Variants in COA7 observed in about 807,000 individuals in gnomAD.
COA7 encodes the protein cytochrome c oxidase assembly factor 7, also known as Sel1 repeat containing 1.
A neutral mutation model predicts 21.0 loss-of-function variants in COA7; 12 were observed. The ratio of observed to expected loss-of-function variants is 0.57; its 90% CI spans 0.37 to 0.92. COA7 has a LOEUF of 0.92. Ranked by LOEUF, COA7 falls within the 40% of genes least tolerant of loss-of-function variation. The probability of loss-of-function intolerance (pLI) is 0.01; values close to 1 mark genes in which losing one functional copy is unlikely to be tolerated. For synonymous variants in COA7, 95 were observed against 107.4 expected, an observed-to-expected ratio of 0.88 and a Z score of 0.72; for missense variants, 240 against 286.1, an observed-to-expected ratio of 0.84 and a Z score of 1.16.
intron 1 of COA7, among the ~76,000 whole-genome samples, chr1:52,694,067 A>G (rs1644066662): frequency 6.6e-6 from 1 of 152,244 alleles, no homozygotes. Flanking sequence ...AATACTGTGT[A>G]CACATGGACA....
rs888584791 is a variant in COA7 at position 52,686,779 on chromosome 1, A to T, written c.*941T>A. The T allele has an allele frequency of 1.3e-5, 2 of 152,242 alleles. No homozygotes were observed. The highest frequency in any genetic ancestry group is 4.8e-5 in the African/African-American group (2 of 41,442). The allele number at this position is 152,242 out of a possible 1,614,324, so 9.4% of individuals were successfully genotyped here. On this transcript the variant is annotated 3_prime_UTR_variant, in exon 3 of 3. Transcript: ENST00000371538. The stretch of plus-strand genomic sequence containing the variant: ...GTTCTTAAAAGGCACAACCACCACA[A>T]AGAACATACTCTCTACGGTACCTGG...
chr1:52,690,426 T>C (rs1644036766), intron 2 of COA7, among the ~76,000 whole-genome samples: 1 of 151,828 alleles, frequency 6.6e-6, no homozygotes, highest in African/African-American at 2.4e-5. Flanking sequence ...GTTGAATGGA[T>C]ACTAGATAGA....
chr1:52,695,920 C>T lies in COA7; in HGVS notation c.106+2301G>A, dbSNP rs549432635. ...CTCTCCATTGCCTACAGAGCAAAGT[C>T]TATATTCCTTACCCTGGCATTCAAG... On this transcript the variant is annotated intron_variant, in intron 1 of 2. Coordinates refer to ENST00000371538, the MANE Select transcript of COA7 (RefSeq NM_023077.3). Among the ~76,000 whole-genome samples the T allele has an allele frequency of 5.3e-5, 8 of 152,294 alleles. No individual in the cohort carries two copies. In the South Asian group the frequency reaches 1.0e-3, roughly 20 times the overall value.
Position 52,692,801 on chromosome 1 carries a change from A to C in COA7, c.173T>G (p.Leu58Trp). Residue 58 changes from leucine (L) to tryptophan (W), a missense_variant, in exon 2 of 3, where the codon TTG becomes TGG. Coordinates refer to ENST00000371538, the MANE Select transcript of COA7 (RefSeq NM_023077.3). Reference sequence around the variant, plus strand: ...CTGGTTCTCTTCACAGTTAAACTTCAACACCTTGGCAGCCTCATCAAAATT... The same window carrying C: ...CTGGTTCTCTTCACAGTTAAACTTCCACACCTTGGCAGCCTCATCAAAATT... Reference protein sequence around the residue: ...RKNFDEAAKVLKFNCEENQHS... With the variant: ...RKNFDEAAKVWKFNCEENQHS... 1 of 1,614,100 alleles carries C rather than the reference A, an allele frequency of 6.2e-7. No individual in the cohort carries two copies. Among genetic ancestry groups the C allele is most frequent in the Non-Finnish European group, 8.5e-7 (1 of 1,180,020 alleles).
intron 1 of COA7, among the ~76,000 whole-genome samples, chr1:52,697,306 GGTGGACCCCTCTGGTC>G (rs1644091136): frequency 6.6e-6 from 1 of 152,040 alleles, no homozygotes; most frequent in Non-Finnish European, 1.5e-5. Flanking sequence ...AGCTGCTCTG[GGTGGACCCCTCTGGTC>G]ACCACCATCC....
intron 2 of COA7, among the ~76,000 whole-genome samples, chr1:52,692,069 T>G (rs1309745668): frequency 6.6e-6 from 1 of 152,116 alleles, no homozygotes. Context: ...GGTAAGGAAC[T>G]AGAGGCCTCT....
At chr1:52,692,142 A>C (rs956887748) in intron 2 of COA7, among the ~76,000 whole-genome samples, 6 of 152,302 alleles carry the variant, frequency 3.9e-5, no homozygotes, top group Non-Finnish European at 8.8e-5. Flanking sequence ...CAAGCCTTCC[A>C]ATGTCTCCAG....
chr1:52,696,544 T>C (rs2149906154), intron 1 of COA7, among the ~76,000 whole-genome samples: 1 of 152,304 alleles, frequency 6.6e-6, no homozygotes, highest in East Asian at 1.9e-4. Flanking sequence ...GATATGTATA[T>C]GGTTGTGTTA....
At chr1:52,695,605 T>C (rs79150660) in intron 1 of COA7, among the ~76,000 whole-genome samples, 2,199 of 152,236 alleles carry the variant, frequency 0.014, 57 homozygotes, top group African/African-American at 0.05. Flanking sequence ...TGGGCATTGA[T>C]AACAAATAGG....
At chr1:52,690,110 G>A (rs1277189772) in intron 2 of COA7, among the ~76,000 whole-genome samples, 1 of 151,174 alleles carries the variant, frequency 6.6e-6, no homozygotes, top group African/African-American at 2.4e-5. Flanking sequence ...AGGCAGGCAA[G>A]CAAGCAGGGA....
At chr1:52,697,928 T>TC in intron 1 of COA7, 1 of 373,366 alleles carries the variant, frequency 2.7e-6, no homozygotes, top group East Asian at 4.8e-5. Flanking sequence ...ATTGCCCGAC[T>TC]CCCCGCACTA....
chr1:52,688,304 C>T, intron 2 of COA7, 136 bp from the exon 3 acceptor site: 1 of 683,298 alleles, frequency 1.5e-6, no homozygotes, highest in South Asian at 1.9e-5. Context: ...AGTGCACTGG[C>T]ATGATCACGG....
In COA7 at chr1:52,687,591, T is replaced by A; in HGVS notation, c.*129A>T. On this transcript the variant is annotated 3_prime_UTR_variant, in exon 3 of 3. Coordinates refer to ENST00000371538, the MANE Select transcript of COA7 (RefSeq NM_023077.3). ...AGCTGGGGCAATGGATCCATGTAAA[T>A]GGAGCTACAAATTCAAGTCCCAAGT... The A allele has an allele frequency of 1.3e-6, 1 of 762,346 alleles. No homozygotes were observed. Among genetic ancestry groups the A allele is most frequent in the Non-Finnish European group, 2.1e-6 (1 of 466,180 alleles). The allele number at this position is 762,346 out of a possible 1,614,324, so 47.2% of individuals were successfully genotyped here.
rs539220086 is a variant in COA7 at position 52,692,576 on chromosome 1, C to T, written c.247+151G>A. Reference sequence around the variant, plus strand: ...ACTTGAAAGGCTGTGTTCTTCCCCCCATCACTCTGCTGAACTCCTACCTCT... The same window carrying T: ...ACTTGAAAGGCTGTGTTCTTCCCCCTATCACTCTGCTGAACTCCTACCTCT... On this transcript the variant is annotated intron_variant, in intron 2 of 2. Coordinates refer to ENST00000371538, the MANE Select transcript of COA7 (RefSeq NM_023077.3). 2.4e-5 allele frequency: 20 copies of T among 838,718 alleles called. No homozygotes were observed. The South Asian group carries it at 2.4e-4, about 10-fold the overall frequency. The allele number at this position is 838,718 out of a possible 1,614,324, so 52.0% of individuals were successfully genotyped here.
Position 52,687,683 on chromosome 1 carries a change from C to G in COA7, c.*37G>C, listed in dbSNP as rs1644015462. The G allele has an allele frequency of 1.3e-6, 2 of 1,589,930 alleles. No homozygotes were observed. The highest frequency in any genetic ancestry group is 4.5e-5 in the East Asian group (2 of 44,592). On this transcript the variant is annotated 3_prime_UTR_variant, in exon 3 of 3. Coordinates refer to ENST00000371538, the MANE Select transcript of COA7 (RefSeq NM_023077.3). ...CTTCAGAAACAGGAGCTGCCAGCCT[C>G]AAGCAGTTTGTTGCCTGGGAGGGAG...
intron 1 of COA7, 73 bp from the exon 2 acceptor site, chr1:52,692,940 G>A: frequency 1.3e-6 from 2 of 1,535,204 alleles, no homozygotes; most frequent in Non-Finnish European, 1.8e-6. Context: ...GGGGTAGGGG[G>A]TGCCCAGGTG....
rs116484376 is a variant in COA7, at chr1:52,692,606, C to T, written c.247+121G>A. The T allele has an allele frequency of 3.8e-3, 4,366 of 1,152,302 alleles. 42 individuals carry two copies. The highest frequency in any genetic ancestry group is 0.033 in the African/African-American group (2,178 of 65,264). 71.4% of individuals were successfully genotyped at this position (1,152,302 alleles called of 1,614,324 possible). On this transcript the variant is annotated intron_variant, in intron 2 of 2. Coordinates refer to ENST00000371538, the MANE Select transcript of COA7 (RefSeq NM_023077.3). ...CTCTGCTGAACTCCTACCTCTCCAT[C>T]TTCCTACAATGCACTTTCCCAATGC...
chr1:52,692,706 C>A, intron 2 of COA7, 21 bp downstream of exon 2: 2 of 1,613,828 alleles, frequency 1.2e-6, no homozygotes, highest in Non-Finnish European at 1.7e-6. Context: ...GACAAGGACC[C>A]AAAAGGCAGG....
At position 52,686,385 on chromosome 1, in the gene COA7, T is replaced by C. The variant is rs1011184666; in HGVS notation, c.*1335A>G. ...AGTAGATGGTGACAGAATGGTATTG[T>C]TACCAGCAGGGAAATGGCAAGCTCG... On this transcript the variant is annotated 3_prime_UTR_variant, in exon 3 of 3. Coordinates refer to ENST00000371538, the MANE Select transcript of COA7 (RefSeq NM_023077.3). 2 of 152,124 alleles carry C rather than the reference T, an allele frequency of 1.3e-5. No individual in the cohort carries two copies. Among genetic ancestry groups the C allele is most frequent in the African/African-American group, 2.4e-5 (1 of 41,422 alleles). 9.4% of individuals were successfully genotyped at this position (152,124 alleles called of 1,614,324 possible). A position where few individuals can be genotyped will look rare whatever the true frequency, so the allele number is the denominator to read the frequency against.
Sources: gnomAD v4.1 joint callset for allele counts (sites outside exome capture counted in the v4.1 genomes callset) on GRCh38, gnomAD v4.1.1 for gene constraint, MANE v1.5 for transcripts, NCBI Gene and HGNC (gene_info 2026-07-23, HGNC 2026-07-21) for gene names.